The following DCC variants were observed in gnomAD, a reference collection of about 807,000 sequenced individuals.
DCC encodes the protein netrin receptor DCC.
A neutral mutation model predicts 172.5 loss-of-function variants in DCC; 58 were observed. The observed-to-expected ratio is 0.34, with a 90% CI of 0.27 to 0.42. The LOEUF (loss-of-function observed/expected upper bound fraction) is 0.42. Among genes scored for constraint, DCC ranks in the 10% least tolerant of loss-of-function variants. The pLI, the probability that DCC is intolerant of heterozygous loss-of-function variation, is 1.00. For missense variants in DCC, 1,740 were observed against 1,791.0 expected (o/e 0.97, Z 0.51); for synonymous variants, 709 against 644.5 (o/e 1.10, Z -1.52).
chr18:53,348,459 T>C (rs963668324), intron 15 of DCC, among the ~76,000 whole-genome samples: 3 of 152,190 alleles, frequency 2.0e-5, no homozygotes, highest in Non-Finnish European at 4.4e-5. Context: ...GCATTGAGTG[T>C]CTGTGGCTTT....
At chr18:52,422,873 C>A (rs1460961134) in intron 1 of DCC, among the ~76,000 whole-genome samples, 5 of 152,162 alleles carry the variant, frequency 3.3e-5, no homozygotes, top group Admixed American at 2.6e-4. Flanking sequence ...AGCCACTTTT[C>A]TGGACTAGTC....
intron 12 of DCC, among the ~76,000 whole-genome samples, chr18:53,295,458 G>C (rs1365643141): frequency 6.6e-6 from 1 of 151,968 alleles, no homozygotes; most frequent in Non-Finnish European, 1.5e-5. Context: ...ACACATAATA[G>C]AATTTTTTCA....
At chr18:53,385,434 G>A (rs1273534775) in intron 15 of DCC, among the ~76,000 whole-genome samples, 1 of 152,124 alleles carries the variant, frequency 6.6e-6, no homozygotes, top group Non-Finnish European at 1.5e-5. Context: ...GAATTTTCAT[G>A]GTTCTTCTTC....
chr18:53,424,774 A>G (rs1910812372), intron 21 of DCC, among the ~76,000 whole-genome samples: 1 of 152,196 alleles, frequency 6.6e-6, no homozygotes, highest in South Asian at 2.1e-4. Context: ...TCAGGCACAA[A>G]CATATCTCAT....
intron 2 of DCC, among the ~76,000 whole-genome samples, chr18:52,779,043 A>G (rs1397403846): frequency 6.6e-6 from 1 of 151,936 alleles, no homozygotes; most frequent in Non-Finnish European, 1.5e-5. Context: ...CCTAGCATAA[A>G]TCAAATGTCA....
intron 8 of DCC, among the ~76,000 whole-genome samples, chr18:53,162,713 T>C (rs1431184086): frequency 6.6e-6 from 1 of 152,242 alleles, no homozygotes; most frequent in Non-Finnish European, 1.5e-5. Context: ...ATCTTTGCTG[T>C]AATGTCACGT....
intron 15 of DCC, among the ~76,000 whole-genome samples, chr18:53,347,101 T>C (rs564450833): frequency 6.6e-6 from 1 of 152,290 alleles, no homozygotes; most frequent in South Asian, 2.1e-4. Flanking sequence ...CTCCTTTTTG[T>C]ATACTTTTTG....
chr18:53,194,791 A>C (rs73461547), intron 9 of DCC, among the ~76,000 whole-genome samples: 1 of 152,112 alleles, frequency 6.6e-6, no homozygotes, highest in African/African-American at 2.4e-5. Flanking sequence ...TTTAAGCATA[A>C]TCTTGGTCAG....
intron 1 of DCC, among the ~76,000 whole-genome samples, chr18:52,562,672 A>G (rs2033066046): frequency 6.6e-6 from 1 of 152,218 alleles, no homozygotes; most frequent in African/African-American, 2.4e-5. Context: ...GAGTATGATT[A>G]GGAAAAAATG....
chr18:53,175,066 A>G (rs943466658), intron 8 of DCC, among the ~76,000 whole-genome samples: 4 of 151,988 alleles, frequency 2.6e-5, no homozygotes, highest in African/African-American at 7.2e-5. Flanking sequence ...ACAGAGCCAA[A>G]GACAAAAACC....
At chr18:53,142,695 C>T (rs2043849144) in intron 7 of DCC, among the ~76,000 whole-genome samples, 2 of 152,182 alleles carry the variant, frequency 1.3e-5, no homozygotes, top group African/African-American at 2.4e-5. Flanking sequence ...TTTTCCACTG[C>T]TAACGTCTCA....
At position 53,486,958 on chromosome 18, in the gene DCC, T is replaced by G. The variant is rs866102022; in HGVS notation, c.3898T>G (p.Ser1300Ala). The change falls in exon 26 of 29, where the codon TCA becomes GCA. Residue 1300 changes from serine (S) to alanine (A), a missense_variant and splice_region_variant. Coordinates refer to ENST00000442544, the MANE Select transcript of DCC (RefSeq NM_005215.4). ...DRGFGAGRSQ[S>A]VSEGPTTQQP... is the part of the protein sequence containing the mutation. Reference sequence around the variant, plus strand: ...AGGTTTCGGAGCAGGAAGAAGTCAGTGTAATGCATTTTCCTCTCTTTTTAA... The same window carrying G: ...AGGTTTCGGAGCAGGAAGAAGTCAGGGTAATGCATTTTCCTCTCTTTTTAA... 1 of 1,614,116 alleles carries G rather than the reference T, an allele frequency of 6.2e-7. No individual in the cohort carries two copies.
chr18:53,306,913 A>G, intron 13 of DCC, among the ~76,000 whole-genome samples: 1 of 152,222 alleles, frequency 6.6e-6, no homozygotes, highest in East Asian at 1.9e-4. Context: ...CATAAAGCAC[A>G]TGACTTACAA....
chr18:52,661,163 T>G (rs1410020038), intron 1 of DCC, among the ~76,000 whole-genome samples: 3 of 152,130 alleles, frequency 2.0e-5, no homozygotes, highest in African/African-American at 7.2e-5. Context: ...AACTCGCTGC[T>G]GAACAAGTAA....
chr18:53,492,278 G>A (rs2045967756), intron 26 of DCC, among the ~76,000 whole-genome samples: 1 of 152,100 alleles, frequency 6.6e-6, no homozygotes, highest in Admixed American at 6.5e-5. Context: ...TCACTCTGAT[G>A]ATAGCTTTTT....
At chr18:52,395,320 G>C (rs1986180784) in intron 1 of DCC, among the ~76,000 whole-genome samples, 1 of 152,008 alleles carries the variant, frequency 6.6e-6, no homozygotes, top group South Asian at 2.1e-4. Context: ...ATGGTCACAA[G>C]ACCACTCAAA....
intron 2 of DCC, among the ~76,000 whole-genome samples, chr18:52,822,487 C>T (rs1445038711): frequency 6.6e-6 from 1 of 152,170 alleles, no homozygotes; most frequent in Non-Finnish European, 1.5e-5. Context: ...GTAATTCTCC[C>T]TTCTAAAATG....
chr18:53,264,496 A>C (rs1054773445), intron 12 of DCC, among the ~76,000 whole-genome samples: 1 of 149,542 alleles, frequency 6.7e-6, no homozygotes, highest in African/African-American at 2.5e-5. Context: ...AAAAAAAAAA[A>C]GAAGAAGAAG....
chr18:52,800,223 G>A lies in DCC; in HGVS notation c.412+47849G>A, dbSNP rs376788857. 7.8e-4 allele frequency among the ~76,000 whole-genome samples: 119 copies of A among 152,244 alleles called. 3 individuals carry two copies. The South Asian group carries it at 0.024, about 31-fold the overall frequency. On this transcript the variant is annotated intron_variant, in intron 2 of 28. Coordinates refer to ENST00000442544, the MANE Select transcript of DCC (RefSeq NM_005215.4). Reference sequence around the variant, plus strand: ...CAAAATCTGTTCTGAAAGTCAAAGTGTTCCCCAGCTAATACTGTGATGAAA... The same window carrying A: ...CAAAATCTGTTCTGAAAGTCAAAGTATTCCCCAGCTAATACTGTGATGAAA...
Sources: allele counts gnomAD v4.1 joint callset (sites outside exome capture counted in the v4.1 genomes callset), GRCh38; gene constraint gnomAD v4.1.1; transcripts MANE v1.5; gene names NCBI Gene and HGNC (gene_info 2026-07-23, HGNC 2026-07-21).